GRIN2A: variants seen among roughly 807,000 people sequenced by gnomAD.
GRIN2A encodes the protein glutamate receptor ionotropic, NMDA 2A.
In GRIN2A, 22 loss-of-function variants were observed where a neutral mutation model predicts 113.4. That is an observed-to-expected ratio of 0.19 (90% CI 0.14 to 0.28). The LOEUF is 0.28. Among genes scored for constraint, GRIN2A ranks in the 10% least tolerant of loss-of-function variants. The pLI, the probability that GRIN2A is intolerant of heterozygous loss-of-function variation, is 1.00. For synonymous variants in GRIN2A, 827 were observed against 738.4 expected (o/e 1.12, Z -1.94); for missense variants, 1,502 against 1,887.0 (o/e 0.80, Z 3.78).
rs1900689042 is a variant in GRIN2A at position 9,763,487 on chromosome 16, T to C, written c.4057A>G (p.Arg1353Gly). 4.3e-6 allele frequency: 7 copies of C among 1,614,084 alleles called. No homozygotes were observed. Among genetic ancestry groups the C allele is most frequent in the Non-Finnish European group, 5.9e-6 (7 of 1,180,004 alleles). Residue 1353 changes from arginine to glycine, a missense_variant, in exon 13 of 13, where the codon AGG becomes GGG. Around this residue, in one of 7 missense-constraint regions of GRIN2A, gnomAD observed 832 missense variants for 789.7 expected, o/e 1.05. Coordinates refer to ENST00000330684, the MANE Select transcript of GRIN2A (RefSeq NM_001134407.3). Reference sequence around the variant, plus strand: ...TGGTCTGGCAAGAGAGACTTGCTCCTCTTGCTGTCCTCCAGACCTTGGGGG... The same window carrying C: ...TGGTCTGGCAAGAGAGACTTGCTCCCCTTGCTGTCCTCCAGACCTTGGGGG... The part of the protein sequence containing the change: ...LFPQGLEDSK[R>G]SKSLLPDHTS...
intron 2 of GRIN2A, among the ~76,000 whole-genome samples, chr16:9,951,825 C>T (rs1290370931): frequency 1.3e-5 from 2 of 152,246 alleles, no homozygotes; most frequent in South Asian, 2.1e-4. Flanking sequence ...TCCTGGCTCC[C>T]ATCACACTCA....
intron 2 of GRIN2A, among the ~76,000 whole-genome samples, chr16:10,012,670 C>T (rs1010091648): frequency 6.6e-6 from 1 of 152,164 alleles, no homozygotes; most frequent in Non-Finnish European, 1.5e-5. Context: ...GGAGAAAGGA[C>T]ATTTGAAAGT....
Position 10,015,277 on chromosome 16 carries a change from AAAAAAAGAAAAAGAAAGGAAAG to A in GRIN2A, c.415-76748_415-76727del, listed in dbSNP as rs1390600500. 4.5e-3 allele frequency among the ~76,000 whole-genome samples: 631 copies of A among 141,444 alleles called. 6 individuals carry two copies. The highest frequency in any genetic ancestry group is 0.011 in the Middle Eastern group (3 of 278). 92.8% of individuals were successfully genotyped at this position (141,444 alleles called of 152,430 possible). ...CAAAAAAAAAAAAAAAAAAAGAAAA[AAAAAAAGAAAAAGAAAGGAAAG>A]GAAAAGAAAAAAAAGAAATAACTAG... On this transcript the variant is annotated intron_variant, in intron 2 of 12. Coordinates refer to ENST00000330684, the MANE Select transcript of GRIN2A (RefSeq NM_001134407.3).
chr16:10,174,715 TA>T (rs1336011556), intron 2 of GRIN2A, among the ~76,000 whole-genome samples: 1 of 151,880 alleles, frequency 6.6e-6, no homozygotes, highest in Non-Finnish European at 1.5e-5. Flanking sequence ...ATAGTCAAAA[TA>T]ATAGACCATC....
chr16:10,000,000 G>C (rs2046293074), intron 2 of GRIN2A, among the ~76,000 whole-genome samples: 1 of 152,182 alleles, frequency 6.6e-6, no homozygotes, highest in Non-Finnish European at 1.5e-5. Context: ...CCAGGTTCCA[G>C]GGAGTTCCTG....
At chr16:10,171,306 G>A (rs974838129) in intron 2 of GRIN2A, 1 of 152,338 alleles carries the variant, frequency 6.6e-6, no homozygotes, top group African/African-American at 2.4e-5. Flanking sequence ...TACCGTTGGA[G>A]CTGCCAGGTT....
intron 9 of GRIN2A, among the ~76,000 whole-genome samples, chr16:9,826,888 T>A (rs921858199): frequency 6.6e-6 from 1 of 152,208 alleles, no homozygotes; most frequent in African/African-American, 2.4e-5. Flanking sequence ...TAGTAAGGAT[T>A]TCCCCCCGCC....
intron 2 of GRIN2A, among the ~76,000 whole-genome samples, chr16:10,160,331 C>T (rs182350796): frequency 1.1e-4 from 17 of 152,308 alleles, no homozygotes; most frequent in Admixed American, 3.3e-4. Context: ...AGAACAGGAG[C>T]ACACAGCACA....
chr16:9,897,210 T>TATATATATATATGTACATA (rs59640212), intron 3 of GRIN2A, among the ~76,000 whole-genome samples: 7 of 134,882 alleles, frequency 5.2e-5, no homozygotes, highest in African/African-American at 2.2e-4. Context: ...ATTTACATAT[T>TATATATATATATGTACATA]TTATATATAT....
rs548584114 is a variant in GRIN2A at position 9,901,362 on chromosome 16, G to T, written c.1008-10262C>A. On this transcript the variant is annotated intron_variant, in intron 3 of 12. Coordinates refer to ENST00000330684, the MANE Select transcript of GRIN2A (RefSeq NM_001134407.3). ...GGTAACTCAAAGGCAGAGAGGAAAG[G>T]TCGGGGGTGATATGCCAATGGGACT... 9.2e-5 allele frequency among the ~76,000 whole-genome samples: 14 copies of T among 152,290 alleles called. No homozygotes were observed. The South Asian group carries it at 2.9e-3, about 32-fold the overall frequency.
intron 2 of GRIN2A, among the ~76,000 whole-genome samples, chr16:10,144,574 G>T (rs187848623): frequency 1.3e-5 from 2 of 152,230 alleles, no homozygotes; most frequent in East Asian, 3.9e-4. Flanking sequence ...CCCCTTATCA[G>T]ATATATAATT....
chr16:10,025,516 G>T (rs1232117794), intron 2 of GRIN2A, among the ~76,000 whole-genome samples: 1 of 151,758 alleles, frequency 6.6e-6, no homozygotes, highest in East Asian at 1.9e-4. Flanking sequence ...TCCCCAGGCT[G>T]GTCTTGAACT....
At chr16:9,856,748 T>C (rs1200288624) in intron 4 of GRIN2A, among the ~76,000 whole-genome samples, 1 of 152,212 alleles carries the variant, frequency 6.6e-6, no homozygotes, top group Non-Finnish European at 1.5e-5. Flanking sequence ...ATGCTACTTT[T>C]ATTATCTCCA....
chr16:10,170,197 C>A (rs947547806), intron 2 of GRIN2A, among the ~76,000 whole-genome samples: 1 of 152,154 alleles, frequency 6.6e-6, no homozygotes, highest in Non-Finnish European at 1.5e-5. Context: ...GTGCAGTACA[C>A]CGGTTCATGA....
chr16:9,918,557 C>T lies in GRIN2A; in HGVS notation c.1007+19402G>A, dbSNP rs73502665. Among the ~76,000 whole-genome samples the T allele has an allele frequency of 9.3e-3, 1,409 of 152,218 alleles. 20 individuals are homozygous for T. The highest frequency in any genetic ancestry group is 0.032 in the African/African-American group (1,342 of 41,530). ...AAGAAAAACCAAGGATAAGAGGGGACTACTGTATAGGTTCGAGTCATTCAA... is the reference window on the plus strand; with the variant it reads ...AAGAAAAACCAAGGATAAGAGGGGATTACTGTATAGGTTCGAGTCATTCAA... On this transcript the variant is annotated intron_variant, in intron 3 of 12. Coordinates refer to ENST00000330684, the MANE Select transcript of GRIN2A (RefSeq NM_001134407.3).
At chr16:9,854,855 A>G (rs964233724) in intron 4 of GRIN2A, among the ~76,000 whole-genome samples, 1 of 152,188 alleles carries the variant, frequency 6.6e-6, no homozygotes, top group Non-Finnish European at 1.5e-5. Flanking sequence ...TAAGGTTTCA[A>G]TGCATCAGAG....
intron 2 of GRIN2A, among the ~76,000 whole-genome samples, chr16:10,110,567 T>C (rs1353560148): frequency 6.6e-6 from 1 of 152,108 alleles, no homozygotes; most frequent in Non-Finnish European, 1.5e-5. Context: ...GGGGGGTGCA[T>C]GGGCAAGGGA....
chr16:10,158,911 A>T (rs1446992870), intron 2 of GRIN2A, among the ~76,000 whole-genome samples: 1 of 152,214 alleles, frequency 6.6e-6, no homozygotes, highest in Non-Finnish European at 1.5e-5. Context: ...AGAATGGCAG[A>T]TTCTATGTTA....
At chr16:10,039,548 A>G (rs1292458471) in intron 2 of GRIN2A, among the ~76,000 whole-genome samples, 5 of 151,964 alleles carry the variant, frequency 3.3e-5, no homozygotes, top group Admixed American at 2.0e-4. Context: ...AGGCTTACCA[A>G]GGCTGCCACC....
Sources: allele counts gnomAD v4.1 joint callset (sites outside exome capture counted in the v4.1 genomes callset), GRCh38; gene constraint gnomAD v4.1.1; regional missense constraint gnomAD v4.1.1; transcripts MANE v1.5; gene names NCBI Gene and HGNC (gene_info 2026-07-23, HGNC 2026-07-21).